The following TGM6 variants were observed in gnomAD, a reference collection of about 807,000 sequenced individuals.
TGM6 encodes the protein transglutaminase 6.
In TGM6, 74 loss-of-function variants were observed where a neutral mutation model predicts 77.5. The observed-to-expected ratio is 0.96, with a 90% CI of 0.79 to 1.16. TGM6 has a LOEUF of 1.16. TGM6 is among the 50% of genes most tolerant of loss of function. The probability of loss-of-function intolerance (pLI) is 0.00; values close to 1 mark genes in which losing one functional copy is unlikely to be tolerated. For synonymous variants in TGM6, 383 were observed against 378.9 expected (o/e 1.01, Z -0.12); for missense variants, 968 against 940.2 (o/e 1.03, Z -0.39).
intron 9 of TGM6, among the ~76,000 whole-genome samples, chr20:2,410,120 A>G (rs1343178599): frequency 6.6e-6 from 1 of 152,168 alleles, no homozygotes; most frequent in African/African-American, 2.4e-5. Context: ...CACTTTCAGC[A>G]TGGGGGCTGG....
At chr20:2,391,259 T>A (rs948673918) in intron 1 of TGM6, among the ~76,000 whole-genome samples, 39 of 152,146 alleles carry the variant, frequency 2.6e-4, no homozygotes, top group African/African-American at 9.4e-4. Flanking sequence ...CTTGAATACA[T>A]ACAAAGATTT....
chr20:2,413,661 C>A (rs1306567211), intron 9 of TGM6, among the ~76,000 whole-genome samples: 1 of 152,076 alleles, frequency 6.6e-6, no homozygotes, highest in Non-Finnish European at 1.5e-5. Flanking sequence ...AGTTGTTATA[C>A]CCCACTGGTT....
At chr20:2,428,144 C>T (rs751081021) in intron 10 of TGM6, among the ~76,000 whole-genome samples, 4 of 152,088 alleles carry the variant, frequency 2.6e-5, no homozygotes, top group Admixed American at 6.6e-5. Context: ...GTCATTTATG[C>T]CACAGAATGT....
At chr20:2,417,149 A>G (rs751079185) in intron 9 of TGM6, 83 bp from the exon 10 acceptor site, 1 of 1,309,962 alleles carries the variant, frequency 7.6e-7, no homozygotes, top group Non-Finnish European at 1.1e-6. Context: ...TGGCTCTTGA[A>G]CTGCCAGTTT....
intron 1 of TGM6, among the ~76,000 whole-genome samples, chr20:2,388,558 G>A (rs137974948): frequency 3.0e-4 from 46 of 151,886 alleles, no homozygotes; most frequent in African/African-American, 1.1e-3. Flanking sequence ...GATTGCTTGA[G>A]GCCAGGAGTT....
Position 2,417,275 on chromosome 20 carries a change from G to C in TGM6, c.1380G>C (p.Arg460Ser). The C allele has an allele frequency of 6.2e-7, 1 of 1,610,346 alleles. No individual in the cohort carries two copies. The highest frequency in any genetic ancestry group is 1.1e-5 in the South Asian group (1 of 90,358). The change falls in exon 10 of 13, where the codon AGG (arginine) becomes AGC (serine). Residue 460 changes from arginine to serine, a missense_variant. Coordinates refer to ENST00000202625, the MANE Select transcript of TGM6 (RefSeq NM_198994.3). ...AGGTGTACAGCAAGGCGGTGAACAG[G>C]CTGTTCGGCGTGGAAGCCTCTGGAA... ...ERQVYSKAVN[R>S]LFGVEASGRR...
chr20:2,385,921 A>G (rs2084592222), intron 1 of TGM6, among the ~76,000 whole-genome samples: 1 of 152,240 alleles, frequency 6.6e-6, no homozygotes, highest in South Asian at 2.1e-4. Flanking sequence ...CTCTCAGTCC[A>G]GTGAGGGAGA....
intron 1 of TGM6, among the ~76,000 whole-genome samples, chr20:2,381,417 C>G (rs940616607): frequency 1.3e-5 from 2 of 152,186 alleles, no homozygotes; most frequent in African/African-American, 4.8e-5. Flanking sequence ...ACCCCAAGCA[C>G]TTGAGGGCAA....
chr20:2,398,197 AC>A (rs1338878591), intron 5 of TGM6, 151 bp downstream of exon 5: 38 of 1,307,086 alleles, frequency 2.9e-5, no homozygotes, highest in Non-Finnish European at 7.5e-6. Context: ...GTGTAAAACA[AC>A]CCTTTATTAT....
At chr20:2,398,759 G>C (rs570870944) in intron 5 of TGM6, among the ~76,000 whole-genome samples, 1 of 152,146 alleles carries the variant, frequency 6.6e-6, no homozygotes, top group African/African-American at 2.4e-5. Flanking sequence ...TCCGTGGGAG[G>C]CATGACAACT....
At position 2,406,496 on chromosome 20, in the gene TGM6, A is replaced by C. The variant is rs1356093257; in HGVS notation, c.1336+2673A>C. ...CAACACAGTGAGACCCTGTCTCAAAAAAAAAAAAAAAGTACATGAGGTCTG... is the reference window on the plus strand; with the variant it reads ...CAACACAGTGAGACCCTGTCTCAAACAAAAAAAAAAAGTACATGAGGTCTG... On this transcript the variant is annotated intron_variant, in intron 9 of 12. Transcript: ENST00000202625. Among the ~76,000 whole-genome samples the C allele has an allele frequency of 4.0e-5, 6 of 150,718 alleles. No homozygotes were observed. In the South Asian group the frequency reaches 1.3e-3, roughly 32 times the overall value.
intron 10 of TGM6, among the ~76,000 whole-genome samples, chr20:2,417,887 G>C (rs980221344): frequency 1.3e-5 from 2 of 152,068 alleles, no homozygotes; most frequent in Admixed American, 1.3e-4. Flanking sequence ...CATGCTGGGG[G>C]TATTTCAGCA....
Position 2,403,602 on chromosome 20 carries a change from C to T in TGM6, c.1115C>T (p.Ala372Val), listed in dbSNP as rs765457146. Residue 372 changes from alanine (A) to valine (V), a missense_variant, in exon 9 of 13, where the codon GCC becomes GTC. By Grantham distance (64) the Ala-to-Val change is moderately conservative. Transcript: ENST00000202625. ...ESEGVFRCGP[A>V]SVTAIREGDV... ...CCAGGTGTGTTCCGGTGCGGCCCAG[C>T]CTCAGTCACCGCCATCCGCGAGGGT... 3.1e-6 allele frequency: 5 copies of T among 1,614,168 alleles called. No homozygotes were observed. In the South Asian group the frequency reaches 5.5e-5, roughly 18 times the overall value.
At chr20:2,419,853 T>G (rs956910410) in intron 10 of TGM6, among the ~76,000 whole-genome samples, 3 of 152,234 alleles carry the variant, frequency 2.0e-5, no homozygotes, top group African/African-American at 7.2e-5. Flanking sequence ...CTTTTGTTTA[T>G]CTACAGAGTG....
chr20:2,395,986 G>A (rs566422203), intron 3 of TGM6, among the ~76,000 whole-genome samples: 1 of 152,192 alleles, frequency 6.6e-6, no homozygotes, highest in Non-Finnish European at 1.5e-5. Flanking sequence ...TTCAAGACCA[G>A]CCTGACCAAC....
At chr20:2,425,689 T>A (rs1407979286) in intron 10 of TGM6, among the ~76,000 whole-genome samples, 1 of 152,164 alleles carries the variant, frequency 6.6e-6, no homozygotes, top group Non-Finnish European at 1.5e-5. Context: ...CCTCTTGACA[T>A]AAACTTTTTT....
intron 7 of TGM6, among the ~76,000 whole-genome samples, chr20:2,402,442 C>A (rs371544062): frequency 1.2e-4 from 18 of 152,114 alleles, no homozygotes; most frequent in African/African-American, 4.3e-4. Flanking sequence ...CATTCCCTTG[C>A]CCTGGAAGCA....
chr20:2,418,062 G>C (rs1414331501), intron 10 of TGM6, among the ~76,000 whole-genome samples: 1 of 152,006 alleles, frequency 6.6e-6, no homozygotes, highest in Non-Finnish European at 1.5e-5. Context: ...ACCCAGGCTG[G>C]AGTGAAGTGG....
chr20:2,396,958 G>T (rs1317142452), intron 4 of TGM6, among the ~76,000 whole-genome samples: 1 of 152,156 alleles, frequency 6.6e-6, no homozygotes, highest in South Asian at 2.1e-4. Flanking sequence ...CAGAGCTGCC[G>T]ACTGAGTAGG....
Sources: gnomAD v4.1 joint callset for allele counts (sites outside exome capture counted in the v4.1 genomes callset) on GRCh38, gnomAD v4.1.1 for gene constraint, MANE v1.5 for transcripts, NCBI Gene and HGNC (gene_info 2026-07-23, HGNC 2026-07-21) for gene names.